The following WDR47 variants were observed in gnomAD, a reference collection of about 807,000 sequenced individuals.
WDR47 encodes the protein WD repeat domain 47.
In WDR47, 32 loss-of-function variants were observed where a neutral mutation model predicts 97.2. That is an observed-to-expected ratio of 0.33 (90% CI 0.25 to 0.44). The LOEUF is 0.44. Ranked by LOEUF, WDR47 falls within the 20% of genes least tolerant of loss-of-function variation. The pLI, the probability that WDR47 is intolerant of heterozygous loss-of-function variation, is 1.00. For synonymous variants in WDR47, 375 were observed against 373.5 expected (o/e 1.00, Z -0.05); for missense variants, 782 against 1,102.3 (o/e 0.71, Z 4.11).
chr1:109,027,038 T>C (rs1346864478), intron 1 of WDR47, among the ~76,000 whole-genome samples: 1 of 152,082 alleles, frequency 6.6e-6, no homozygotes, highest in Non-Finnish European at 1.5e-5. Context: ...AGTAGAATAA[T>C]ATATTTTAAT....
intron 8 of WDR47, chr1:108,992,178 T>G: frequency 1.5e-6 from 1 of 682,442 alleles, no homozygotes; most frequent in Non-Finnish European, 2.6e-6. Flanking sequence ...AGATCTATTT[T>G]TTAAAAAGGA....
intron 1 of WDR47, among the ~76,000 whole-genome samples, chr1:109,031,282 T>C (rs899792508): frequency 2.9e-5 from 4 of 140,338 alleles, no homozygotes; most frequent in African/African-American, 1.0e-4. Context: ...ATTTACCTTC[T>C]GGAACTGTGA....
chr1:109,030,074 C>G, intron 1 of WDR47: 1 of 714,390 alleles, frequency 1.4e-6, no homozygotes, highest in Non-Finnish European at 2.1e-6. Flanking sequence ...ACATGCCTCT[C>G]GCAAAAGATC....
intron 13 of WDR47, among the ~76,000 whole-genome samples, chr1:108,979,328 A>G (rs552680276): frequency 6.6e-6 from 1 of 152,352 alleles, no homozygotes; most frequent in South Asian, 2.1e-4. Flanking sequence ...AATAATGTAA[A>G]CAATGACTAA....
chr1:109,024,991 C>T (rs1398862025), intron 1 of WDR47: 3 of 152,142 alleles, frequency 2.0e-5, no homozygotes, highest in Non-Finnish European at 2.9e-5. Context: ...AAGACCATGT[C>T]TCTAAACAAA....
chr1:108,995,865 T>C, intron 7 of WDR47, 28 bp from the exon 8 acceptor site: 2 of 1,599,976 alleles, frequency 1.3e-6, no homozygotes, highest in Non-Finnish European at 1.7e-6. Flanking sequence ...GTAATCATTT[T>C]AAAATAAAAA....
At chr1:109,032,655 T>C (rs1662682130) in intron 1 of WDR47, among the ~76,000 whole-genome samples, 1 of 151,936 alleles carries the variant, frequency 6.6e-6, no homozygotes, top group South Asian at 2.1e-4. Flanking sequence ...CCCAGCACTT[T>C]GGGAGGCCAG....
chr1:109,015,336 CTGAT>C (rs1278630309), intron 3 of WDR47, among the ~76,000 whole-genome samples: 2 of 152,048 alleles, frequency 1.3e-5, no homozygotes, highest in Admixed American at 1.3e-4. Context: ...TATTGATTGA[CTGAT>C]TGAGACAGAG....
At chr1:109,034,986 T>C (rs548463032) in intron 1 of WDR47, among the ~76,000 whole-genome samples, 2 of 151,632 alleles carry the variant, frequency 1.3e-5, no homozygotes, top group African/African-American at 2.4e-5. Flanking sequence ...CCGGGCACAG[T>C]GGCTCATGCC....
chr1:109,016,913 C>G (rs1428490374), intron 3 of WDR47, among the ~76,000 whole-genome samples: 1 of 152,076 alleles, frequency 6.6e-6, no homozygotes, highest in African/African-American at 2.4e-5. Context: ...CAAGCAGCTA[C>G]TCTCAGTATG....
chr1:109,011,089 G>T lies in WDR47; in HGVS notation c.957C>A (p.Gly319=), dbSNP rs1392714986. 6.2e-7 allele frequency: 1 copy of T among 1,613,982 alleles called. No individual in the cohort carries two copies. Among genetic ancestry groups the T allele is most frequent in the Non-Finnish European group, 8.5e-7 (1 of 1,180,034 alleles). The stretch of plus-strand genomic sequence containing the variant: ...CATGACTGGTTAGTCCACAGGTGAG[G>T]CCATCTAAAGCAGGATTCAGAGAGC... ...MTRSLNPALD[G]LTCGLTSHDK... is the part of the protein sequence containing the mutation. The change falls in exon 5 of 15, where the codon GGC becomes GGA. Residue 319 remains glycine (G), a synonymous_variant. Coordinates refer to ENST00000369962, the MANE Select transcript of WDR47 (RefSeq NM_001142551.2).
chr1:108,997,600 CA>C (rs1025283160), intron 7 of WDR47, among the ~76,000 whole-genome samples: 12 of 147,112 alleles, frequency 8.2e-5, no homozygotes, highest in South Asian at 4.3e-4. Context: ...ACTAAAAATA[CA>C]AAAAAAAAAT....
At chr1:109,010,087 T>C (rs558241316) in intron 5 of WDR47, among the ~76,000 whole-genome samples, 2 of 152,164 alleles carry the variant, frequency 1.3e-5, no homozygotes, top group African/African-American at 2.4e-5. Context: ...TTAATTCTCA[T>C]ACTATTACTC....
At chr1:109,014,305 A>G (rs1196555402) in intron 3 of WDR47, among the ~76,000 whole-genome samples, 1 of 152,190 alleles carries the variant, frequency 6.6e-6, no homozygotes, top group East Asian at 1.9e-4. Context: ...TACATTGTAG[A>G]AAGATTAAAT....
intron 13 of WDR47, among the ~76,000 whole-genome samples, chr1:108,978,251 G>A (rs1201374623): frequency 7.9e-5 from 12 of 151,440 alleles, no homozygotes; most frequent in Non-Finnish European, 1.8e-4. Flanking sequence ...CGAGGCAGGC[G>A]GATCACGAGG....
At chr1:109,002,080 T>C in intron 7 of WDR47, 144 bp downstream of exon 7, 1 of 924,116 alleles carries the variant, frequency 1.1e-6, no homozygotes, top group East Asian at 2.7e-5. Flanking sequence ...ATGCTGTGAC[T>C]AGAAAGCAAT....
chr1:108,970,797 T>C lies in WDR47; in HGVS notation c.*633A>G, dbSNP rs571386751. The C allele has an allele frequency of 1.6e-3, 242 of 152,616 alleles. No individual in the cohort carries two copies. Among genetic ancestry groups the C allele is most frequent in the African/African-American group, 5.8e-3 (241 of 41,564 alleles). The allele number at this position is 152,616 out of a possible 1,614,324, so 9.5% of individuals were successfully genotyped here. A position where few individuals can be genotyped will look rare whatever the true frequency, so the allele number is the denominator to read the frequency against. On this transcript the variant is annotated 3_prime_UTR_variant, in exon 15 of 15. Transcript: ENST00000369962. ...ACAAAATTATATGACAAAATAATCA[T>C]ATCCCTGGGTTTAAGAAAAAAGGGC...
chr1:109,038,438 G>C (rs1663108888), intron 1 of WDR47, among the ~76,000 whole-genome samples: 1 of 152,076 alleles, frequency 6.6e-6, no homozygotes, highest in Non-Finnish European at 1.5e-5. Context: ...CAGCACTTTG[G>C]GAAGCCAAGG....
intron 12 of WDR47, 79 bp from the exon 13 acceptor site, chr1:108,981,943 T>C: frequency 2.0e-6 from 3 of 1,480,184 alleles, no homozygotes; most frequent in Non-Finnish European, 2.7e-6. Flanking sequence ...CACTCTAGAG[T>C]TGGGCAAGGT....
Sources: gnomAD v4.1 joint callset for allele counts (sites outside exome capture counted in the v4.1 genomes callset) on GRCh38, gnomAD v4.1.1 for gene constraint, MANE v1.5 for transcripts, NCBI Gene and HGNC (gene_info 2026-07-23, HGNC 2026-07-21) for gene names.